The following PITPNC1 variants were observed in gnomAD, a reference collection of about 807,000 sequenced individuals.
The protein encoded by PITPNC1 is cytoplasmic phosphatidylinositol transfer protein 1.
In PITPNC1, 18 loss-of-function variants were observed where a neutral mutation model predicts 44.7. That is an observed-to-expected ratio of 0.40 (90% confidence interval 0.28 to 0.60). PITPNC1 has a LOEUF of 0.60. PITPNC1 is among the 20% of genes least tolerant of loss of function. The pLI, the probability that PITPNC1 is intolerant of heterozygous loss-of-function variation, is 0.39. For missense variants in PITPNC1, 290 were observed against 418.4 expected (o/e 0.69, Z 2.68); for synonymous variants, 141 against 149.6 (o/e 0.94, Z 0.42).
chr17:67,604,652 A>G (rs1473374758), intron 5 of PITPNC1, among the ~76,000 whole-genome samples: 1 of 152,088 alleles, frequency 6.6e-6, no homozygotes, highest in Non-Finnish European at 1.5e-5. Context: ...GCGTGAAAGC[A>G]TGTACCTGTA....
chr17:67,378,193 C>T lies in PITPNC1; in HGVS notation c.39C>T (p.Thr13=). 1.3e-6 allele frequency: 2 copies of T among 1,543,224 alleles called. No homozygotes were observed. The highest frequency in any genetic ancestry group is 1.2e-5 in the South Asian group (1 of 83,564). The change falls in exon 1 of 9, where the codon ACC becomes ACT. Residue 13 remains threonine (T), a synonymous_variant. Transcript: ENST00000581322. ...LKEYRICMPL[T]VDEYKIGQLY... ...AGTACCGGATCTGCATGCCGCTCACCGTAGACGAGGTAAGCGCCGCGCCCG... is the reference window on the plus strand; with the variant it reads ...AGTACCGGATCTGCATGCCGCTCACTGTAGACGAGGTAAGCGCCGCGCCCG...
Position 67,597,191 on chromosome 17 carries a change from G to C in PITPNC1, c.366+18934G>C, listed in dbSNP as rs2041470728. Among the ~76,000 whole-genome samples the C allele has an allele frequency of 6.6e-6, 1 of 152,060 alleles. No individual in the cohort carries two copies. The highest frequency in any genetic ancestry group is 2.1e-4 in the South Asian group (1 of 4,822). ...TTATAGGCATGAGCCACCATGCCTGGCCCCAAATAATTTATATAAGCCATT... is the reference window on the plus strand; with the variant it reads ...TTATAGGCATGAGCCACCATGCCTGCCCCCAAATAATTTATATAAGCCATT... On this transcript the variant is annotated intron_variant, in intron 5 of 8. Coordinates refer to ENST00000581322, the MANE Select transcript of PITPNC1 (RefSeq NM_012417.4). The surrounding 1 kb of genome is among the most constrained non-coding windows in gnomAD (Gnocchi z 4.0).
rs777206959 is a variant in PITPNC1 at position 67,597,093 on chromosome 17, T to C, written c.366+18836T>C. ...ATTTTTTGTAGAGATGAAGTCTTCC[T>C]ATATTACCCAGGCTGATCTTGAACC... is the stretch of plus-strand genomic sequence containing the variant. On this transcript the variant is annotated intron_variant, in intron 5 of 8. Coordinates refer to ENST00000581322, the MANE Select transcript of PITPNC1 (RefSeq NM_012417.4). This position sits in a 1 kb window ranked among gnomAD's most constrained non-coding sequence, Gnocchi z 4.0. 4.6e-5 allele frequency among the ~76,000 whole-genome samples: 7 copies of C among 151,894 alleles called. No homozygotes were observed. The highest frequency in any genetic ancestry group is 1.0e-4 in the Non-Finnish European group (7 of 67,974).
At chr17:67,409,712 A>AT (rs2038463328) in intron 1 of PITPNC1, among the ~76,000 whole-genome samples, 1 of 151,720 alleles carries the variant, frequency 6.6e-6, no homozygotes. Flanking sequence ...CTAATTTTGT[A>AT]TTTTTAGTAG....
chr17:67,416,460 C>A (rs1312658642), intron 1 of PITPNC1, among the ~76,000 whole-genome samples: 2 of 152,078 alleles, frequency 1.3e-5, no homozygotes, highest in Non-Finnish European at 2.9e-5. Flanking sequence ...AAATGATCCT[C>A]CCGCCTCAGC....
intron 5 of PITPNC1, among the ~76,000 whole-genome samples, chr17:67,621,227 A>ATTTTATTTTAT (rs1567743362): frequency 8.1e-5 from 1 of 12,334 alleles, no homozygotes; most frequent in Non-Finnish European, 4.5e-4. Context: ...TTTTATTTTA[A>ATTTTATTTTAT]GACAAAGTTT....
intron 4 of PITPNC1, among the ~76,000 whole-genome samples, chr17:67,560,573 C>A (rs1314643276): frequency 6.6e-6 from 1 of 152,188 alleles, no homozygotes; most frequent in Admixed American, 6.5e-5. Flanking sequence ...ATGGACGAGC[C>A]AGTTGCAAAC....
At chr17:67,565,871 T>C in intron 4 of PITPNC1, among the ~76,000 whole-genome samples, 1 of 152,318 alleles carries the variant, frequency 6.6e-6, no homozygotes, top group East Asian at 1.9e-4. Context: ...TCCATGTTTT[T>C]TCGGTGTGTA....
intron 1 of PITPNC1, among the ~76,000 whole-genome samples, chr17:67,442,482 A>G (rs1487360866): frequency 6.6e-6 from 1 of 151,298 alleles, no homozygotes; most frequent in African/African-American, 2.4e-5. Flanking sequence ...AAGAACAAGC[A>G]TATCTTTATT....
intron 4 of PITPNC1, among the ~76,000 whole-genome samples, chr17:67,563,615 GC>G (rs1426864141): frequency 3.9e-5 from 6 of 152,160 alleles, no homozygotes; most frequent in African/African-American, 1.4e-4. Context: ...GGTCTCAGTG[GC>G]CATTCTGTCC....
chr17:67,587,025 T>C (rs1049576900), intron 5 of PITPNC1, among the ~76,000 whole-genome samples: 4 of 152,274 alleles, frequency 2.6e-5, no homozygotes, highest in East Asian at 1.9e-4. Context: ...ATAGGGATGA[T>C]CTCAGGCTTT....
chr17:67,521,947 G>A (rs186945249), intron 1 of PITPNC1, among the ~76,000 whole-genome samples: 104 of 152,168 alleles, frequency 6.8e-4, no homozygotes, highest in Non-Finnish European at 1.2e-3. Flanking sequence ...CATTGGGCAC[G>A]CAGTCAGTAC....
intron 5 of PITPNC1, among the ~76,000 whole-genome samples, chr17:67,628,935 C>T (rs1425183725): frequency 6.6e-6 from 1 of 152,148 alleles, no homozygotes. Flanking sequence ...TTAGGGCCCC[C>T]TACTGATGAG....
At chr17:67,671,119 C>T (rs2042505503) in intron 7 of PITPNC1, among the ~76,000 whole-genome samples, 1 of 152,186 alleles carries the variant, frequency 6.6e-6, no homozygotes, top group Non-Finnish European at 1.5e-5. Context: ...ATCTCTTGAC[C>T]TCCTGATCTA....
intron 5 of PITPNC1, among the ~76,000 whole-genome samples, chr17:67,590,296 G>A (rs2041373231): frequency 6.6e-6 from 1 of 152,122 alleles, no homozygotes; most frequent in Non-Finnish European, 1.5e-5. Context: ...CTGAAAAGGA[G>A]AGAAAAAGAC....
In PITPNC1 at chr17:67,480,489, G is replaced by A. The variant is rs186064934; in HGVS notation, c.49-52313G>A. On this transcript the variant is annotated intron_variant, in intron 1 of 8. Transcript: ENST00000581322. ...ATGAAAGACTGGTTAGATAAATTCTGGTAGATCCAAGCAGTGAAATATTAT... is the reference window on the plus strand; with the variant it reads ...ATGAAAGACTGGTTAGATAAATTCTAGTAGATCCAAGCAGTGAAATATTAT... Among the ~76,000 whole-genome samples the A allele has an allele frequency of 2.4e-3, 360 of 152,204 alleles. 1 individual carries two copies. Among genetic ancestry groups the A allele is most frequent in the Non-Finnish European group, 4.2e-3 (288 of 68,020 alleles).
At chr17:67,498,671 A>G (rs565228969) in intron 1 of PITPNC1, among the ~76,000 whole-genome samples, 2 of 152,258 alleles carry the variant, frequency 1.3e-5, no homozygotes, top group East Asian at 3.9e-4. Flanking sequence ...AATGGTGTGC[A>G]ATGATTCCAG....
At chr17:67,492,761 G>A (rs1388337300) in intron 1 of PITPNC1, among the ~76,000 whole-genome samples, 3 of 152,070 alleles carry the variant, frequency 2.0e-5, no homozygotes, top group East Asian at 1.9e-4. Context: ...GGAATCTTAC[G>A]GTGCATCGTC....
chr17:67,465,361 A>AATGC (rs1345280331), intron 1 of PITPNC1, among the ~76,000 whole-genome samples: 2 of 152,176 alleles, frequency 1.3e-5, no homozygotes, highest in Non-Finnish European at 2.9e-5. Context: ...AAAGTCTTGA[A>AATGC]ATGCACTAAG....
Sources: gnomAD v4.1 joint callset for allele counts (sites outside exome capture counted in the v4.1 genomes callset) on GRCh38, gnomAD v4.1.1 for gene constraint, Gnocchi (gnomAD v3.1) non-coding constraint, MANE v1.5 for transcripts, NCBI Gene and HGNC (gene_info 2026-07-23, HGNC 2026-07-21) for gene names.